The following ROBO1 variants were observed in gnomAD, a reference collection of about 807,000 sequenced individuals.
The protein encoded by ROBO1 is roundabout guidance receptor 1.
A neutral mutation model predicts 195.9 loss-of-function variants in ROBO1; 149 were observed. That is an observed-to-expected ratio of 0.76 (90% CI 0.67 to 0.87). The LOEUF is 0.87. ROBO1 is among the 40% of genes least tolerant of loss of function. The pLI, the probability that ROBO1 is intolerant of heterozygous loss-of-function variation, is 0.00. For missense variants in ROBO1, 1,933 were observed against 2,068.3 expected (o/e 0.93, Z 1.27); for synonymous variants, 816 against 733.2 (o/e 1.11, Z -1.82).
At chr3:79,082,490 T>C (rs977193165) in intron 3 of ROBO1, among the ~76,000 whole-genome samples, 19 of 152,048 alleles carry the variant, frequency 1.2e-4, no homozygotes, top group African/African-American at 4.6e-4. Flanking sequence ...AATCACCACA[T>C]AGATGAAAAT....
chr3:78,861,803 T>G (rs190459151), intron 4 of ROBO1, among the ~76,000 whole-genome samples: 2 of 152,292 alleles, frequency 1.3e-5, no homozygotes, highest in Admixed American at 1.3e-4. Context: ...TAGAAATATA[T>G]AGATTTTATT....
chr3:78,711,444 C>CTTTCTTTCTTTCT lies in ROBO1; in HGVS notation c.1045+2952_1045+2953insAGAAAGAAAGAAA, dbSNP rs1559774147. Among the ~76,000 whole-genome samples the CTTTCTTTCTTTCT allele has an allele frequency of 1.9e-3, 115 of 61,602 alleles. 1 individual carries two copies. The highest frequency in any genetic ancestry group is 9.4e-3 in the Middle Eastern group (1 of 106). The allele number at this position is 61,602 out of a possible 152,430, so 40.4% of individuals were successfully genotyped here. ...CTTTCTTTCTTTCTTTCTTTCTTTC[C>CTTTCTTTCTTTCT]TTCCTTCCTTCCTTCCTTCCTTTTC... On this transcript the variant is annotated intron_variant, in intron 8 of 30. Coordinates refer to ENST00000464233, the MANE Select transcript of ROBO1 (RefSeq NM_002941.4).
At chr3:79,071,710 ACACACATG>A (rs1162743161) in intron 3 of ROBO1, among the ~76,000 whole-genome samples, 19 of 37,616 alleles carry the variant, frequency 5.1e-4, no homozygotes, top group Admixed American at 3.1e-3. Context: ...CCATACACAC[ACACACATG>A]CACATGCACA....
At chr3:78,884,862 C>G (rs201987011) in intron 4 of ROBO1, among the ~76,000 whole-genome samples, 37 of 87,530 alleles carry the variant, frequency 4.2e-4, no homozygotes, top group South Asian at 1.1e-3. Context: ...CTCTCTCTCT[C>G]TTTCTGTGTG....
At chr3:78,716,961 CCTA>C (rs1199342829) in intron 7 of ROBO1, among the ~76,000 whole-genome samples, 1 of 152,042 alleles carries the variant, frequency 6.6e-6, no homozygotes, top group African/African-American at 2.4e-5. Context: ...CCCTTTCCTG[CCTA>C]CTACCAAACC....
intron 26 of ROBO1, 43 bp from the exon 27 acceptor site, chr3:78,618,084 T>C: frequency 6.5e-7 from 1 of 1,538,530 alleles, no homozygotes; most frequent in Non-Finnish European, 8.7e-7. Flanking sequence ...GCTTGTTATT[T>C]AAGACATAAA....
chr3:78,652,376 C>T (rs1706721867), intron 18 of ROBO1, among the ~76,000 whole-genome samples: 1 of 152,028 alleles, frequency 6.6e-6, no homozygotes, highest in Non-Finnish European at 1.5e-5. Context: ...CAGACTTCTA[C>T]AGGCATGCTT....
At chr3:78,848,735 G>C (rs2033837811) in intron 4 of ROBO1, among the ~76,000 whole-genome samples, 1 of 152,128 alleles carries the variant, frequency 6.6e-6, no homozygotes, top group African/African-American at 2.4e-5. Flanking sequence ...TCTTGGCTTT[G>C]ACATAAAGTG....
At chr3:79,622,254 C>A (rs1260447259) in intron 1 of ROBO1, among the ~76,000 whole-genome samples, 1 of 152,198 alleles carries the variant, frequency 6.6e-6, no homozygotes, top group Non-Finnish European at 1.5e-5. Context: ...AGTGTCCCAA[C>A]CCTGGAACGC....
At chr3:79,489,876 A>T (rs981286449) in intron 2 of ROBO1, among the ~76,000 whole-genome samples, 36 of 152,198 alleles carry the variant, frequency 2.4e-4, no homozygotes, top group South Asian at 1.7e-3. Context: ...CAGTATTCAT[A>T]AGTGTATTTT....
chr3:79,334,443 A>T (rs1208266855), intron 2 of ROBO1, among the ~76,000 whole-genome samples: 1 of 150,456 alleles, frequency 6.6e-6, no homozygotes, highest in East Asian at 1.9e-4. Flanking sequence ...CATCTTCCTC[A>T]ACTAAAATAT....
At chr3:79,166,394 A>G (rs1267197301) in intron 2 of ROBO1, among the ~76,000 whole-genome samples, 2 of 151,952 alleles carry the variant, frequency 1.3e-5, no homozygotes, top group Non-Finnish European at 2.9e-5. Context: ...CTTCAATTGG[A>G]TTTTTTATTC....
At chr3:79,421,087 T>C (rs569034673) in intron 2 of ROBO1, among the ~76,000 whole-genome samples, 3 of 152,222 alleles carry the variant, frequency 2.0e-5, no homozygotes, top group African/African-American at 7.2e-5. Flanking sequence ...TGGATGGATC[T>C]GGAAGCTATT....
chr3:78,799,555 A>G (rs1168107284), intron 4 of ROBO1, among the ~76,000 whole-genome samples: 5 of 151,678 alleles, frequency 3.3e-5, no homozygotes, highest in Admixed American at 2.6e-4. Context: ...GTTAGCCAGG[A>G]TGGTCTCGAT....
At chr3:79,234,710 T>G (rs2108861402) in intron 2 of ROBO1, among the ~76,000 whole-genome samples, 1 of 152,188 alleles carries the variant, frequency 6.6e-6, no homozygotes, top group South Asian at 2.1e-4. Context: ...CTAAGCAAAT[T>G]AACACAGGAA....
chr3:78,785,105 C>G (rs2083791764), intron 4 of ROBO1, among the ~76,000 whole-genome samples: 1 of 152,170 alleles, frequency 6.6e-6, no homozygotes, highest in African/African-American at 2.4e-5. Context: ...TGCTCAGATA[C>G]ATGACTGCCT....
intron 4 of ROBO1, among the ~76,000 whole-genome samples, chr3:78,898,322 A>C (rs1403172759): frequency 6.7e-6 from 1 of 149,756 alleles, no homozygotes; most frequent in Non-Finnish European, 1.5e-5. Context: ...TCCTCTATGG[A>C]CTATATATAT....
intron 2 of ROBO1, among the ~76,000 whole-genome samples, chr3:79,376,623 C>A (rs1191628255): frequency 6.6e-6 from 1 of 152,086 alleles, no homozygotes; most frequent in Non-Finnish European, 1.5e-5. Context: ...TGCCTGCCAC[C>A]ATGTAAGTTG....
chr3:79,514,592 T>C (rs1054469016), intron 2 of ROBO1, among the ~76,000 whole-genome samples: 1 of 152,204 alleles, frequency 6.6e-6, no homozygotes, highest in African/African-American at 2.4e-5. Flanking sequence ...TGTGAGTTTT[T>C]AATCCCTTTT....
Sources: gnomAD v4.1 joint callset for allele counts (sites outside exome capture counted in the v4.1 genomes callset) on GRCh38, gnomAD v4.1.1 for gene constraint, MANE v1.5 for transcripts, NCBI Gene and HGNC (gene_info 2026-07-23, HGNC 2026-07-21) for gene names.